The following NT5C2 variants were observed in gnomAD, a reference collection of about 807,000 sequenced individuals.
NT5C2 encodes cytosolic purine 5'-nucleotidase.
A neutral mutation model predicts 76.1 loss-of-function variants in NT5C2; 58 were observed. The observed-to-expected ratio is 0.76, with a 90% CI of 0.62 to 0.95. The LOEUF (loss-of-function observed/expected upper bound fraction) is 0.95. Ranked by LOEUF, NT5C2 falls within the 40% of genes least tolerant of loss-of-function variation. The pLI, the probability that NT5C2 is intolerant of heterozygous loss-of-function variation, is 0.00. For missense variants in NT5C2, 478 were observed against 690.3 expected (o/e 0.69, Z 3.45); for synonymous variants, 229 against 237.4 (o/e 0.96, Z 0.32).
chr10:103,109,760 C>T (rs2072437912), intron 4 of NT5C2, among the ~76,000 whole-genome samples: 1 of 152,144 alleles, frequency 6.6e-6, no homozygotes, highest in Admixed American at 6.5e-5. Flanking sequence ...AATGGAGTGA[C>T]TATCGAGTAA....
Position 103,181,267 on chromosome 10 carries a change from TG to T in NT5C2, c.-108del, listed in dbSNP as rs746678702. 1 of 151,020 alleles carries T rather than the reference TG, an allele frequency of 6.6e-6. No homozygotes were observed. The highest frequency in any genetic ancestry group is 1.5e-5 in the Non-Finnish European group (1 of 67,866). The allele number at this position is 151,020 out of a possible 1,614,324, so 9.4% of individuals were successfully genotyped here. A position where few individuals can be genotyped will look rare whatever the true frequency, so the allele number is the denominator to read the frequency against. ...CAGAACTTTGGGAGGCCGAGGCGAA[TG>T]GATCACTTGACGTCAGGAGATCACA... On this transcript the variant is annotated 5_prime_UTR_variant, in exon 2 of 19. Transcript: ENST00000404739.
chr10:103,177,851 T>C (rs1289481355), intron 2 of NT5C2, among the ~76,000 whole-genome samples: 2 of 152,212 alleles, frequency 1.3e-5, no homozygotes, highest in African/African-American at 2.4e-5. Flanking sequence ...TGGCATTTAG[T>C]GCAACCACCA....
chr10:103,165,209 C>T (rs956149669), intron 3 of NT5C2, among the ~76,000 whole-genome samples: 2 of 152,160 alleles, frequency 1.3e-5, no homozygotes, highest in Admixed American at 1.3e-4. Context: ...ATCCACCTGC[C>T]TCAGCCAGGC....
intron 3 of NT5C2, among the ~76,000 whole-genome samples, chr10:103,164,960 T>C (rs1438497231): frequency 1.3e-5 from 2 of 152,224 alleles, no homozygotes; most frequent in Non-Finnish European, 2.9e-5. Flanking sequence ...ATTCAATACA[T>C]TCTTTTGAAC....
chr10:103,162,396 A>G (rs548455820), intron 3 of NT5C2, among the ~76,000 whole-genome samples: 1 of 152,294 alleles, frequency 6.6e-6, no homozygotes, highest in African/African-American at 2.4e-5. Flanking sequence ...ATTGGCAAAC[A>G]ACTTGAAAAG....
chr10:103,153,244 C>T, intron 3 of NT5C2: 1 of 1,231,298 alleles, frequency 8.1e-7, no homozygotes, highest in South Asian at 1.3e-5. Context: ...CAGATGATAC[C>T]TCTTCACTGA....
At chr10:103,177,399 AGAGTT>A (rs1475413685) in intron 2 of NT5C2, among the ~76,000 whole-genome samples, 7 of 152,336 alleles carry the variant, frequency 4.6e-5, no homozygotes, top group South Asian at 2.1e-4. Flanking sequence ...ATATCCTCTT[AGAGTT>A]AAGTAGTAGA....
chr10:103,128,156 G>A (rs1309785907), intron 4 of NT5C2, among the ~76,000 whole-genome samples: 9 of 148,460 alleles, frequency 6.1e-5, no homozygotes, highest in Non-Finnish European at 9.0e-5. Flanking sequence ...CTGCCATCTC[G>A]GCTCACTGCA....
intron 12 of NT5C2, 153 bp from the exon 13 acceptor site, chr10:103,094,608 G>A: frequency 1.7e-6 from 1 of 604,204 alleles, no homozygotes; most frequent in South Asian, 1.9e-5. Flanking sequence ...TGTCAGCCAG[G>A]CACAGTGGCT....
intron 4 of NT5C2, among the ~76,000 whole-genome samples, chr10:103,139,161 C>G (rs941865328): frequency 1.3e-5 from 2 of 152,116 alleles, no homozygotes; most frequent in Non-Finnish European, 2.9e-5. Context: ...TATTTCTTAC[C>G]AGGGTCTCTA....
chr10:103,176,467 A>G (rs1226853980), intron 2 of NT5C2, among the ~76,000 whole-genome samples: 1 of 151,776 alleles, frequency 6.6e-6, no homozygotes, highest in East Asian at 1.9e-4. Flanking sequence ...TGGTGCTTAT[A>G]CTCCCAAACA....
At chr10:103,132,215 G>A (rs1454265944) in intron 4 of NT5C2, among the ~76,000 whole-genome samples, 1 of 151,462 alleles carries the variant, frequency 6.6e-6, no homozygotes, top group East Asian at 1.9e-4. Flanking sequence ...ACTCCAGCCT[G>A]GGTAACAAGA....
rs553247411 is a variant in NT5C2, at chr10:103,138,730, G to A, written c.175+676C>T. Reference sequence around the variant, plus strand: ...CTGTGTTAAGAATAACATACTGTCCGGGTGCAGTGGCTCACGCCTGTAAAC... The same window carrying A: ...CTGTGTTAAGAATAACATACTGTCCAGGTGCAGTGGCTCACGCCTGTAAAC... On this transcript the variant is annotated intron_variant, in intron 4 of 18. Coordinates refer to ENST00000404739, the MANE Select transcript of NT5C2 (RefSeq NM_001351169.2). 3.9e-5 allele frequency among the ~76,000 whole-genome samples: 6 copies of A among 152,256 alleles called. No individual in the cohort carries two copies. In the South Asian group the frequency reaches 8.3e-4, roughly 21 times the overall value.
chr10:103,132,315 G>A (rs1334021785), intron 4 of NT5C2, among the ~76,000 whole-genome samples: 2 of 151,700 alleles, frequency 1.3e-5, no homozygotes, highest in Admixed American at 1.3e-4. Context: ...AGACTAAGGA[G>A]ATAAGACAAC....
At chr10:103,090,563 C>T (rs2066505224) in intron 18 of NT5C2, 48 bp downstream of exon 18, 3 of 1,550,820 alleles carry the variant, frequency 1.9e-6, no homozygotes, top group African/African-American at 1.4e-5. Flanking sequence ...TGGTTGCTGA[C>T]CCTGGGCTTA....
At chr10:103,111,403 G>A (rs2135421103) in intron 4 of NT5C2, among the ~76,000 whole-genome samples, 1 of 152,168 alleles carries the variant, frequency 6.6e-6, no homozygotes, top group South Asian at 2.1e-4. Context: ...AACAACCAAC[G>A]CTTTGAAAGT....
chr10:103,094,245 A>AT, intron 13 of NT5C2, 103 bp downstream of exon 13: 1 of 822,166 alleles, frequency 1.2e-6, no homozygotes, highest in Non-Finnish European at 2.0e-6. Context: ...GATACGGCTA[A>AT]TTAAAAAAAA....
chr10:103,129,579 T>G (rs1426931341), intron 4 of NT5C2, among the ~76,000 whole-genome samples: 149 of 26,644 alleles, frequency 5.6e-3, no homozygotes, highest in Admixed American at 0.01. Flanking sequence ...GAGGTGGGGG[T>G]GTCAGCCCCC....
chr10:103,126,889 G>A (rs2076771095), intron 4 of NT5C2, among the ~76,000 whole-genome samples: 1 of 152,116 alleles, frequency 6.6e-6, no homozygotes, highest in Non-Finnish European at 1.5e-5. Flanking sequence ...ACAGCTCACT[G>A]AAACCTCAAA....
Sources: gnomAD v4.1 joint callset for allele counts (sites outside exome capture counted in the v4.1 genomes callset) on GRCh38, gnomAD v4.1.1 for gene constraint, MANE v1.5 for transcripts, NCBI Gene and HGNC (gene_info 2026-07-23, HGNC 2026-07-21) for gene names.